LMNB2: variants seen among roughly 807,000 people sequenced by gnomAD.
The protein encoded by LMNB2 is lamin-B2.
A neutral mutation model predicts 69.3 loss-of-function variants in LMNB2; 17 were observed. The observed-to-expected ratio is 0.25, with a 90% CI of 0.17 to 0.37. The LOEUF (loss-of-function observed/expected upper bound fraction) is 0.37, where lower values mean the gene tolerates loss of function less well. Ranked by LOEUF, LMNB2 falls within the 10% of genes least tolerant of loss-of-function variation. The probability of loss-of-function intolerance (pLI) is 1.00; values close to 1 mark genes in which losing one functional copy is unlikely to be tolerated. For missense variants in LMNB2, 789 were observed against 883.6 expected (o/e 0.89, Z 1.36); for synonymous variants, 397 against 389.3 (o/e 1.02, Z -0.23).
chr19:2,454,565 T>C (rs1599343834), intron 1 of LMNB2, among the ~76,000 whole-genome samples: 1 of 151,848 alleles, frequency 6.6e-6, no homozygotes, highest in Non-Finnish European at 1.5e-5. Flanking sequence ...ACACAGAGGG[T>C]AAGTGGCTCC....
At chr19:2,433,153 C>G (rs1476399188) in intron 8 of LMNB2, among the ~76,000 whole-genome samples, 1 of 119,304 alleles carries the variant, frequency 8.4e-6, no homozygotes, top group East Asian at 2.8e-4. Context: ...CCCCCATCAG[C>G]TGGGTCACCC....
chr19:2,450,091 A>AATACAT (rs147019959), intron 1 of LMNB2, among the ~76,000 whole-genome samples: 105 of 147,784 alleles, frequency 7.1e-4, no homozygotes, highest in South Asian at 8.5e-4. Flanking sequence ...AAGAAAATAA[A>AATACAT]ATACATATAC....
rs1320422178 is a variant in LMNB2 at position 2,428,744 on chromosome 19, CA to C, written c.*2166del. 2.0e-5 allele frequency: 3 copies of C among 152,236 alleles called. No individual in the cohort carries two copies. The highest frequency in any genetic ancestry group is 4.4e-5 in the Non-Finnish European group (3 of 68,046). 9.4% of individuals were successfully genotyped at this position (152,236 alleles called of 1,614,324 possible). ...GCACACAGCTAAGCGTATTTGGGGACAAATGCAAATTGTTTCCCAGGCCATA... is the reference window on the plus strand; with the variant it reads ...GCACACAGCTAAGCGTATTTGGGGACAATGCAAATTGTTTCCCAGGCCATA... On this transcript the variant is annotated 3_prime_UTR_variant, in exon 12 of 12. Transcript: ENST00000325327.
rs1971965316 is a variant in LMNB2 at position 2,447,116 on chromosome 19, C to A, written c.265-2576G>T. ...CCGAGATCGCACCACTGCCCTCCAGCCTGGGAGACAGAGCGAGACTCAGTT... is the reference window on the plus strand; with the variant it reads ...CCGAGATCGCACCACTGCCCTCCAGACTGGGAGACAGAGCGAGACTCAGTT... On this transcript the variant is annotated intron_variant, in intron 1 of 11. Transcript: ENST00000325327. This position sits in a 1 kb window ranked among gnomAD's most constrained non-coding sequence, Gnocchi z 4.4. Among the ~76,000 whole-genome samples, 1 of 151,670 alleles carries A rather than the reference C, an allele frequency of 6.6e-6. No homozygotes were observed. The highest frequency in any genetic ancestry group is 2.4e-5 in the African/African-American group (1 of 41,208).
chr19:2,451,548 T>G (rs894368501), intron 1 of LMNB2, among the ~76,000 whole-genome samples: 3 of 152,178 alleles, frequency 2.0e-5, no homozygotes, highest in Non-Finnish European at 4.4e-5. Context: ...GGAACGGGTG[T>G]GCCGGGGCAG....
Position 2,432,425 on chromosome 19 carries a change from C to T in LMNB2, c.1581G>A (p.Gln527=), listed in dbSNP as rs745682580. Residue 527 remains glutamine (Q), a synonymous_variant, in exon 9 of 12, where the codon CAG becomes CAA. Coordinates refer to ENST00000325327, the MANE Select transcript of LMNB2 (RefSeq NM_032737.4). Reference sequence around the variant, plus strand: ...CTGCCCCACCACCTACCGTGACCATCTGGCCGGCGCGCAGGATGTACTTGG... The same window carrying T: ...CTGCCCCACCACCTACCGTGACCATTTGGCCGGCGCGCAGGATGTACTTGG... ...FTPKYILRAG[Q]MVTVWAAGAG... 20 of 1,609,112 alleles carry T rather than the reference C, an allele frequency of 1.2e-5. No homozygotes were observed. Among genetic ancestry groups the T allele is most frequent in the Middle Eastern group, 1.6e-4 (1 of 6,066 alleles).
rs1467848868 is a variant in LMNB2 at position 2,429,919 on chromosome 19, G to C, written c.*992C>G. ...TCGTGATAGGAGTCAGGTGGCCTTG[G>C]CCTGTCTGAGAAACATGGTTTCAGC... On this transcript the variant is annotated 3_prime_UTR_variant, in exon 12 of 12. Coordinates refer to ENST00000325327, the MANE Select transcript of LMNB2 (RefSeq NM_032737.4). 6.6e-6 allele frequency: 1 copy of C among 152,230 alleles called. No individual in the cohort carries two copies. Among genetic ancestry groups the C allele is most frequent in the African/African-American group, 2.4e-5 (1 of 41,426 alleles). The allele number at this position is 152,230 out of a possible 1,614,324, so 9.4% of individuals were successfully genotyped here.
chr19:2,447,164 T>TAAAA lies in LMNB2; in HGVS notation c.265-2628_265-2625dup, dbSNP rs1292699698. Among the ~76,000 whole-genome samples the TAAAA allele has an allele frequency of 6.7e-6, 1 of 150,046 alleles. No homozygotes were observed. Among genetic ancestry groups the TAAAA allele is most frequent in the Non-Finnish European group, 1.5e-5 (1 of 67,578 alleles). ...GTTTCAAAATAAATAAATAAATAAA[T>TAAAA]AAAATGAAAAATAAAAATAAATAAA... On this transcript the variant is annotated intron_variant, in intron 1 of 11. Coordinates refer to ENST00000325327, the MANE Select transcript of LMNB2 (RefSeq NM_032737.4). This position sits in a 1 kb window ranked among gnomAD's most constrained non-coding sequence, Gnocchi z 4.4.
chr19:2,455,619 C>G (rs1254570622), intron 1 of LMNB2, among the ~76,000 whole-genome samples: 1 of 152,110 alleles, frequency 6.6e-6, no homozygotes, highest in South Asian at 2.1e-4. Flanking sequence ...ACTCAGGACA[C>G]GGAAGATCTC....
intron 1 of LMNB2, among the ~76,000 whole-genome samples, chr19:2,445,139 C>CCAGA (rs1265757099): frequency 6.6e-6 from 1 of 152,008 alleles, no homozygotes; most frequent in African/African-American, 2.4e-5. Context: ...CGGGGCCCTC[C>CCAGA]CAGACCCCAC....
intron 1 of LMNB2, among the ~76,000 whole-genome samples, chr19:2,451,883 G>T (rs955532542): frequency 1.3e-5 from 2 of 152,012 alleles, no homozygotes; most frequent in Admixed American, 1.3e-4. Context: ...CGCCTGGGCC[G>T]CCTCCGAGAC....
chr19:2,453,070 G>A lies in LMNB2; in HGVS notation c.264+3600C>T, dbSNP rs1454739622. Among the ~76,000 whole-genome samples, 1 of 151,380 alleles carries A rather than the reference G, an allele frequency of 6.6e-6. No homozygotes were observed. The highest frequency in any genetic ancestry group is 1.5e-5 in the Non-Finnish European group (1 of 67,780). On this transcript the variant is annotated intron_variant, in intron 1 of 11. Coordinates refer to ENST00000325327, the MANE Select transcript of LMNB2 (RefSeq NM_032737.4). The surrounding 1 kb of genome is among the most constrained non-coding windows in gnomAD (Gnocchi z 4.4). ...CGTGGGGGCTGGGTCATCCTCATGG[G>A]GCTGGGTCATCCTCGTGAGGGCTGC... is the stretch of plus-strand genomic sequence containing the variant.
Position 2,434,867 on chromosome 19 carries a change from C to G in LMNB2, c.902G>C (p.Ser301Thr). 3 of 1,608,020 alleles carry G rather than the reference C, an allele frequency of 1.9e-6. No individual in the cohort carries two copies. The highest frequency in any genetic ancestry group is 2.5e-6 in the Non-Finnish European group (3 of 1,179,462). The change falls in exon 6 of 12, where the codon AGT (serine) becomes ACT (threonine). Residue 301 changes from serine (S) to threonine (T), a missense_variant. By Grantham distance (58) the Ser-to-Thr change is moderately conservative. Transcript: ENST00000325327. ...CTCCTTCAGCTCCTCGCGAGCCGCA[C>G]TGGCCGCCTTGTCGTTCTGGTCAGA... ...LSSDQNDKAA[S>T]AAREELKEAR... is the part of the protein sequence containing the mutation.
In LMNB2 at chr19:2,438,885, C is replaced by T. The variant is rs562303463; in HGVS notation, c.402-354G>A. Among the ~76,000 whole-genome samples the T allele has an allele frequency of 4.6e-5, 7 of 152,260 alleles. No homozygotes were observed. The East Asian group carries it at 9.7e-4, about 21-fold the overall frequency. On this transcript the variant is annotated intron_variant, in intron 2 of 11. Coordinates refer to ENST00000325327, the MANE Select transcript of LMNB2 (RefSeq NM_032737.4). Reference sequence around the variant, plus strand: ...ACAAAGACCCTGGCCTTTGAAGGGTCAGCCTTGTTTGTAAACTTAAGCTGT... The same window carrying T: ...ACAAAGACCCTGGCCTTTGAAGGGTTAGCCTTGTTTGTAAACTTAAGCTGT...
Position 2,435,259 on chromosome 19 carries a change from A to G in LMNB2, c.685-88T>C, listed in dbSNP as rs952710779. On this transcript the variant is annotated intron_variant, in intron 4 of 11. Transcript: ENST00000325327. Reference sequence around the variant, plus strand: ...AGGGCTCAAAAATGTGCCAAGAGGAACCTCCAGGCAATTCCTGGTTCCTTG... The same window carrying G: ...AGGGCTCAAAAATGTGCCAAGAGGAGCCTCCAGGCAATTCCTGGTTCCTTG... 2.0e-6 allele frequency: 3 copies of G among 1,531,798 alleles called. No homozygotes were observed. The Admixed American group carries it at 5.5e-5, about 28-fold the overall frequency. The allele number at this position is 1,531,798 out of a possible 1,614,324, so 94.9% of individuals were successfully genotyped here.
At chr19:2,436,679 A>G (rs112986972) in intron 4 of LMNB2, 41,812 of 85,678 alleles carry the variant, frequency 0.49, 7,134 homozygotes, top group African/African-American at 0.6. Flanking sequence ...CTCCACGGCC[A>G]CCCTCCCGCC....
chr19:2,454,271 C>T (rs1365088543), intron 1 of LMNB2, among the ~76,000 whole-genome samples: 1 of 135,580 alleles, frequency 7.4e-6, no homozygotes, highest in Non-Finnish European at 1.5e-5. Flanking sequence ...CCAGCCTGGA[C>T]GACGGAGCGA....
chr19:2,449,043 A>G (rs759310960), intron 1 of LMNB2, among the ~76,000 whole-genome samples: 3 of 151,986 alleles, frequency 2.0e-5, no homozygotes, highest in Non-Finnish European at 4.4e-5. Flanking sequence ...CACACATACT[A>G]CTATGCCTGC....
At chr19:2,441,487 T>C (rs949753012) in intron 2 of LMNB2, among the ~76,000 whole-genome samples, 1 of 152,226 alleles carries the variant, frequency 6.6e-6, no homozygotes, top group African/African-American at 2.4e-5. Context: ...CCCGCATCTC[T>C]GAGCACATGC....
Sources: gnomAD v4.1 joint callset for allele counts (sites outside exome capture counted in the v4.1 genomes callset) on GRCh38, gnomAD v4.1.1 for gene constraint, Gnocchi (gnomAD v3.1) non-coding constraint, MANE v1.5 for transcripts, NCBI Gene and HGNC (gene_info 2026-07-23, HGNC 2026-07-21) for gene names.